The following PPP1R12B variants were observed in gnomAD, a reference collection of about 807,000 sequenced individuals.
PPP1R12B encodes protein phosphatase 1 regulatory subunit 12B.
PPP1R12B carries 76 observed loss-of-function variants against 126.1 expected under a neutral mutation model. The observed-to-expected ratio is 0.60, with a 90% CI of 0.50 to 0.73. The LOEUF is 0.73. Ranked by LOEUF, PPP1R12B falls within the 30% of genes least tolerant of loss-of-function variation. The probability of loss-of-function intolerance (pLI) is 0.00; values close to 1 mark genes in which losing one functional copy is unlikely to be tolerated. For missense variants in PPP1R12B, 1,052 were observed against 1,205.1 expected, an observed-to-expected ratio of 0.87 and a Z score of 1.88; for synonymous variants, 356 against 434.7, an observed-to-expected ratio of 0.82 and a Z score of 2.25.
In PPP1R12B at chr1:202,495,302, C is replaced by T; in HGVS notation, c.2155C>T (p.His719Tyr). 1.3e-6 allele frequency: 2 copies of T among 1,559,006 alleles called. No individual in the cohort carries two copies. The highest frequency in any genetic ancestry group is 1.3e-5 in the South Asian group (1 of 79,622). The change falls in exon 16 of 24, where the codon CAT becomes TAT. Residue 719 changes from histidine to tyrosine, a missense_variant. His to Tyr is a moderately conservative substitution (Grantham distance 83). Transcript: ENST00000608999. ...TGTGGATTATTTCCAGCCTATCTGT[C>T]ATCGCCTGAGGTGCCCAGCTCAGCC... ...GRSLDEEPIC[H>Y]RLRCPAQPDK...
chr1:202,410,947 T>G (rs1479855500), intron 1 of PPP1R12B, among the ~76,000 whole-genome samples: 1 of 152,190 alleles, frequency 6.6e-6, no homozygotes, highest in Non-Finnish European at 1.5e-5. Flanking sequence ...AATTTCCCCA[T>G]TATCATGAGT....
chr1:202,539,321 T>C (rs1684868291), intron 18 of PPP1R12B, among the ~76,000 whole-genome samples: 2 of 152,238 alleles, frequency 1.3e-5, no homozygotes, highest in South Asian at 4.1e-4. Context: ...CTCCTACAAG[T>C]GGTAACCCGA....
chr1:202,434,733 G>A lies in PPP1R12B; in HGVS notation c.1219G>A (p.Ala407Thr), dbSNP rs1670587534. 2 of 1,613,772 alleles carry A rather than the reference G, an allele frequency of 1.2e-6. No homozygotes were observed. Among genetic ancestry groups the A allele is most frequent in the Non-Finnish European group, 1.7e-6 (2 of 1,179,914 alleles). ...TATCACAGAGCAGATACCAGCACCA[G>A]CTCAAAATACCTTCTCTGCCTCTTC... is the stretch of plus-strand genomic sequence containing the variant. ...SSITEQIPAP[A>T]QNTFSASSAR... The change falls in exon 9 of 24, where the codon GCT (alanine) becomes ACT (threonine). Residue 407 changes from alanine (A) to threonine (T), a missense_variant. Transcript: ENST00000608999.
chr1:202,499,030 AT>A (rs1403794243), intron 18 of PPP1R12B, among the ~76,000 whole-genome samples: 3 of 152,132 alleles, frequency 2.0e-5, no homozygotes, highest in Non-Finnish European at 4.4e-5. Context: ...ATAATTTACA[AT>A]TAATGCACAG....
At chr1:202,448,873 A>T in intron 12 of PPP1R12B, 116 bp from the exon 13 acceptor site, 1 of 1,133,028 alleles carries the variant, frequency 8.8e-7, no homozygotes, top group Non-Finnish European at 1.3e-6. Context: ...AACAAACAAA[A>T]TCAGAGCGAG....
At chr1:202,566,603 C>T (rs997904857) in intron 21 of PPP1R12B, among the ~76,000 whole-genome samples, 5 of 152,230 alleles carry the variant, frequency 3.3e-5, no homozygotes, top group Non-Finnish European at 7.3e-5. Context: ...ACAACTTCTA[C>T]AGCTCCTCAG....
At chr1:202,438,931 G>C (rs1292311921) in intron 10 of PPP1R12B, 2 of 1,530,428 alleles carry the variant, frequency 1.3e-6, no homozygotes, top group Non-Finnish European at 1.8e-6. Context: ...AGGTGACCCC[G>C]AAGACGGCCG....
chr1:202,411,141 C>T lies in PPP1R12B; in HGVS notation c.292-5646C>T, dbSNP rs1249043253. Among the ~76,000 whole-genome samples the T allele has an allele frequency of 5.3e-5, 8 of 151,948 alleles. No individual in the cohort carries two copies. The East Asian group carries it at 9.6e-4, about 18-fold the overall frequency. On this transcript the variant is annotated intron_variant, in intron 1 of 23. Coordinates refer to ENST00000608999, the MANE Select transcript of PPP1R12B (RefSeq NM_002481.4). Reference sequence around the variant, plus strand: ...GTGAATGAGTCAGCAGCACAGCTGCCGATGGAGTGGGCAGAAGGGCATCTA... The same window carrying T: ...GTGAATGAGTCAGCAGCACAGCTGCTGATGGAGTGGGCAGAAGGGCATCTA...
intron 1 of PPP1R12B, among the ~76,000 whole-genome samples, chr1:202,388,262 C>T (rs547362457): frequency 7.6e-4 from 115 of 152,302 alleles, no homozygotes; most frequent in African/African-American, 2.6e-3. Context: ...TGGCTCACTG[C>T]AAGCTCTGCC....
chr1:202,516,090 A>T (rs1420297071), intron 18 of PPP1R12B, among the ~76,000 whole-genome samples: 7 of 152,228 alleles, frequency 4.6e-5, no homozygotes, highest in Non-Finnish European at 7.3e-5. Context: ...AGTACTTATC[A>T]CATAGGTCAT....
At chr1:202,575,145 C>T (rs1688980618) in intron 23 of PPP1R12B, 1 of 1,610,802 alleles carries the variant, frequency 6.2e-7, no homozygotes. Flanking sequence ...AGTTCTTGCC[C>T]CTACTCTCCA....
Position 202,448,972 on chromosome 1 carries a change from A to G in PPP1R12B, c.1668-17A>G, listed in dbSNP as rs772070915. The G allele has an allele frequency of 3.1e-6, 5 of 1,612,310 alleles. No homozygotes were observed. The Admixed American group carries it at 5.0e-5, about 16-fold the overall frequency. On this transcript the variant is annotated splice_polypyrimidine_tract_variant and intron_variant, in intron 12 of 23. Transcript: ENST00000608999. Reference sequence around the variant, plus strand: ...GCCTAACCATTTCCTTTCTGCTTGTATCTTTTTAAATTTCAGGACTCCTCA... The same window carrying G: ...GCCTAACCATTTCCTTTCTGCTTGTGTCTTTTTAAATTTCAGGACTCCTCA...
chr1:202,439,395 C>T lies in PPP1R12B; in HGVS notation c.1459-1311C>T, dbSNP rs1405063836. On this transcript the variant is annotated intron_variant, in intron 10 of 23. Coordinates refer to ENST00000608999, the MANE Select transcript of PPP1R12B (RefSeq NM_002481.4). ...GAAGCTGGTGAAGAAGCACGCGGCA[C>T]AGCGGAGCACGGAGACCGCCCTGTA... 124 of 1,238,298 alleles carry T rather than the reference C, an allele frequency of 1.0e-4. No individual in the cohort carries two copies. In the African/African-American group the frequency reaches 1.4e-3, roughly 14 times the overall value. The allele number at this position is 1,238,298 out of a possible 1,614,324, so 76.7% of individuals were successfully genotyped here. A position where few individuals can be genotyped will look rare whatever the true frequency, so the allele number is the denominator to read the frequency against.
intron 5 of PPP1R12B, among the ~76,000 whole-genome samples, chr1:202,428,275 G>A (rs941535938): frequency 6.6e-6 from 1 of 152,126 alleles, no homozygotes; most frequent in Non-Finnish European, 1.5e-5. Flanking sequence ...GCCCATATAT[G>A]TACTGATTTT....
intron 1 of PPP1R12B, among the ~76,000 whole-genome samples, chr1:202,399,635 T>C (rs1253116784): frequency 1.3e-5 from 2 of 152,020 alleles, no homozygotes; most frequent in Non-Finnish European, 2.9e-5. Flanking sequence ...TAGCTGGGAC[T>C]ACAGGTACCC....
At chr1:202,424,204 T>C (rs1669188657) in intron 3 of PPP1R12B, among the ~76,000 whole-genome samples, 1 of 152,174 alleles carries the variant, frequency 6.6e-6, no homozygotes, top group Non-Finnish European at 1.5e-5. Context: ...ATGTTTAACT[T>C]TCCAGCACTG....
intron 1 of PPP1R12B, among the ~76,000 whole-genome samples, chr1:202,365,464 G>A (rs913046425): frequency 1.1e-4 from 17 of 152,098 alleles, no homozygotes; most frequent in African/African-American, 4.1e-4. Flanking sequence ...TTTACTGAGT[G>A]CTGCTTTATA....
At chr1:202,548,806 CTCTATATATATATA>C (rs1313447506) in intron 18 of PPP1R12B, among the ~76,000 whole-genome samples, 109 of 76,416 alleles carry the variant, frequency 1.4e-3, no homozygotes, top group African/African-American at 2.0e-3. Context: ...CTCTCTCTCT[CTCTATATATATATA>C]TATATATATA....
At chr1:202,521,339 A>G (rs1682766768) in intron 18 of PPP1R12B, among the ~76,000 whole-genome samples, 1 of 152,170 alleles carries the variant, frequency 6.6e-6, no homozygotes, top group African/African-American at 2.4e-5. Flanking sequence ...AGAACCCAGT[A>G]AAACCTAAGA....
Sources: allele counts gnomAD v4.1 joint callset (sites outside exome capture counted in the v4.1 genomes callset), GRCh38; gene constraint gnomAD v4.1.1; transcripts MANE v1.5; gene names NCBI Gene and HGNC (gene_info 2026-07-23, HGNC 2026-07-21).